Variants in TXK observed in about 807,000 individuals in gnomAD.
The protein encoded by TXK is TXK tyrosine kinase, also known as tyrosine-protein kinase TXK.
In TXK, 60 loss-of-function variants were observed where a neutral mutation model predicts 81.0. The ratio of observed to expected loss-of-function variants is 0.74; its 90% CI spans 0.60 to 0.92. The LOEUF is 0.92. Among genes scored for constraint, TXK ranks in the 40% least tolerant of loss-of-function variants. The pLI is 0.00. For missense variants in TXK, 581 were observed against 638.3 expected, an observed-to-expected ratio of 0.91 and a Z score of 0.97; for synonymous variants, 203 against 210.7, an observed-to-expected ratio of 0.96 and a Z score of 0.32.
At position 48,104,553 on chromosome 4, in the gene TXK, A is replaced by T. The variant is rs868048181; in HGVS notation, c.501+348T>A. On this transcript the variant is annotated intron_variant, in intron 6 of 14. Coordinates refer to ENST00000264316, the MANE Select transcript of TXK (RefSeq NM_003328.3). ...ATATTATATATATTTTATATATATA[A>T]TATATAATATATATATATAATATAT... Among the ~76,000 whole-genome samples the T allele has an allele frequency of 2.2e-3, 29 of 13,266 alleles. 5 individuals carry two copies. Among genetic ancestry groups the T allele is most frequent in the East Asian group, 0.019 (1 of 54 alleles). The allele number at this position is 13,266 out of a possible 152,430, so 8.7% of individuals were successfully genotyped here. A position where few individuals can be genotyped will look rare whatever the true frequency, so the allele number is the denominator to read the frequency against.
intron 5 of TXK, among the ~76,000 whole-genome samples, chr4:48,107,554 CTT>C (rs776253066): frequency 2.0e-5 from 3 of 151,882 alleles, no homozygotes; most frequent in Admixed American, 6.6e-5. Flanking sequence ...TTTTCTTCAA[CTT>C]TTATTTTAAG....
At chr4:48,088,131 T>C (rs183503909) in intron 9 of TXK, among the ~76,000 whole-genome samples, 62 of 152,192 alleles carry the variant, frequency 4.1e-4, no homozygotes, top group African/African-American at 1.3e-3. Flanking sequence ...CACACCAGAT[T>C]GGCTAACATG....
Position 48,110,834 on chromosome 4 carries a change from T to C in TXK, c.381-231A>G, listed in dbSNP as rs546954481. 2.6e-5 allele frequency among the ~76,000 whole-genome samples: 4 copies of C among 152,358 alleles called. No homozygotes were observed. The East Asian group carries it at 5.8e-4, about 22-fold the overall frequency. ...AATGTGAGTAGTTTAAGAGGTTTTA[T>C]GACCCCACAATCTTTTCAGAGAGAA... On this transcript the variant is annotated intron_variant, in intron 4 of 14. Transcript: ENST00000264316.
chr4:48,102,664 A>G (rs2109450306), intron 6 of TXK, among the ~76,000 whole-genome samples: 1 of 152,322 alleles, frequency 6.6e-6, no homozygotes, highest in Admixed American at 6.5e-5. Flanking sequence ...TTATAAGAAA[A>G]TTCATTGCAG....
chr4:48,083,992 T>C (rs189277342), intron 10 of TXK, among the ~76,000 whole-genome samples: 2 of 152,352 alleles, frequency 1.3e-5, no homozygotes, highest in African/African-American at 2.4e-5. Flanking sequence ...ACTCGGTAGA[T>C]AGTATGTCAA....
intron 1 of TXK, among the ~76,000 whole-genome samples, chr4:48,132,722 A>G (rs1264893997): frequency 6.6e-6 from 1 of 151,870 alleles, no homozygotes; most frequent in Non-Finnish European, 1.5e-5. Flanking sequence ...GGCTGAGGCA[A>G]ATCACTTGAG....
At chr4:48,129,401 G>A (rs777014291) in intron 1 of TXK, among the ~76,000 whole-genome samples, 16 of 152,108 alleles carry the variant, frequency 1.1e-4, no homozygotes, top group African/African-American at 3.9e-4. Flanking sequence ...TACTTTAGGG[G>A]AGTCACTGGT....
intron 1 of TXK, among the ~76,000 whole-genome samples, chr4:48,121,778 T>G (rs553699993): frequency 2.6e-5 from 4 of 152,236 alleles, no homozygotes; most frequent in Non-Finnish European, 5.9e-5. Flanking sequence ...CCCAGCAATG[T>G]GGAACCTGTG....
chr4:48,111,099 T>C (rs1248221231), intron 4 of TXK, among the ~76,000 whole-genome samples: 1 of 152,212 alleles, frequency 6.6e-6, no homozygotes, highest in Non-Finnish European at 1.5e-5. Context: ...AGTCACGGGA[T>C]ATGTACATCT....
At chr4:48,084,479 A>G (rs1577655321) in intron 10 of TXK, among the ~76,000 whole-genome samples, 1 of 152,316 alleles carries the variant, frequency 6.6e-6, no homozygotes, top group Middle Eastern at 3.4e-3. Context: ...TTTGATAGAC[A>G]GTCAAACATG....
chr4:48,098,510 A>G (rs1196556037), intron 6 of TXK, among the ~76,000 whole-genome samples: 1 of 152,220 alleles, frequency 6.6e-6, no homozygotes, highest in Non-Finnish European at 1.5e-5. Flanking sequence ...ATCCCTAGAG[A>G]TGTTGAAAAG....
chr4:48,067,197 G>A lies in TXK; in HGVS notation c.*440C>T, dbSNP rs1444962207. 1 of 157,490 alleles carries A rather than the reference G, an allele frequency of 6.3e-6. No individual in the cohort carries two copies. The highest frequency in any genetic ancestry group is 1.4e-5 in the Non-Finnish European group (1 of 71,100). The allele number at this position is 157,490 out of a possible 1,614,324, so 9.8% of individuals were successfully genotyped here. Reference sequence around the variant, plus strand: ...CCCAAAAACATGAAATTCTTCAAGGGAGTCCCCTTTATCCCATGAGTTGGA... The same window carrying A: ...CCCAAAAACATGAAATTCTTCAAGGAAGTCCCCTTTATCCCATGAGTTGGA... On this transcript the variant is annotated 3_prime_UTR_variant, in exon 15 of 15. Transcript: ENST00000264316.
intron 4 of TXK, among the ~76,000 whole-genome samples, chr4:48,110,946 AT>A (rs1718614681): frequency 1.3e-5 from 2 of 152,232 alleles, no homozygotes; most frequent in Admixed American, 1.3e-4. Context: ...ATTCTTTTCA[AT>A]TGCTGAGGAG....
intron 10 of TXK, among the ~76,000 whole-genome samples, chr4:48,084,835 CA>C: frequency 7.3e-6 from 1 of 136,328 alleles, no homozygotes; most frequent in South Asian, 2.5e-4. Context: ...AGAATGGGTC[CA>C]GTTAATCGAG....
intron 1 of TXK, among the ~76,000 whole-genome samples, chr4:48,116,046 C>A (rs942718986): frequency 6.6e-6 from 1 of 152,164 alleles, no homozygotes; most frequent in Non-Finnish European, 1.5e-5. Flanking sequence ...CTGACTACAT[C>A]TTGGATAAGT....
At chr4:48,132,979 C>T (rs1262926516) in intron 1 of TXK, among the ~76,000 whole-genome samples, 15 of 151,698 alleles carry the variant, frequency 9.9e-5, no homozygotes, top group Admixed American at 7.2e-4. Flanking sequence ...TTAAATCCTG[C>T]GTCTGACAAC....
chr4:48,066,723 GA>G lies in TXK; in HGVS notation c.*913del, dbSNP rs1716617445. Reference sequence around the variant, plus strand: ...GCAGGCAAAGTTAAGATTTAACTGTGATTGCTGGTTGTTTCATCTCGAATTC... The same window carrying G: ...GCAGGCAAAGTTAAGATTTAACTGTGTTGCTGGTTGTTTCATCTCGAATTC... On this transcript the variant is annotated 3_prime_UTR_variant, in exon 15 of 15. Transcript: ENST00000264316. 6.6e-6 allele frequency: 1 copy of G among 152,200 alleles called. No homozygotes were observed. The highest frequency in any genetic ancestry group is 2.1e-4 in the South Asian group (1 of 4,830). The allele number at this position is 152,200 out of a possible 1,614,324, so 9.4% of individuals were successfully genotyped here.
intron 14 of TXK, 51 bp from the exon 15 acceptor site, chr4:48,067,756 AG>A (rs1716668251): frequency 2.6e-6 from 4 of 1,565,708 alleles, no homozygotes; most frequent in Non-Finnish European, 3.5e-6. Context: ...ACTTATGCCA[AG>A]GGTTCCATTT....
At position 48,074,002 on chromosome 4, in the gene TXK, G is replaced by C; in HGVS notation, c.1290C>G (p.Ile430Met). Residue 430 changes from isoleucine to methionine, a missense_variant, in exon 13 of 15, where the codon ATC becomes ATG. Coordinates refer to ENST00000264316, the MANE Select transcript of TXK (RefSeq NM_003328.3). ...GAAAAACTTCAGGAGGGGACCACTT[G>C]ATTGGGAACTTGGCTCCAAAAGAAC... is the stretch of plus-strand genomic sequence containing the variant. ...YVSSFGAKFP[I>M]KWSPPEVFLF... 6.2e-7 allele frequency: 1 copy of C among 1,613,990 alleles called. No individual in the cohort carries two copies. The highest frequency in any genetic ancestry group is 8.5e-7 in the Non-Finnish European group (1 of 1,179,926).
Sources: gnomAD v4.1 joint callset for allele counts (sites outside exome capture counted in the v4.1 genomes callset) on GRCh38, gnomAD v4.1.1 for gene constraint, MANE v1.5 for transcripts, NCBI Gene and HGNC (gene_info 2026-07-23, HGNC 2026-07-21) for gene names.